The following PLAC1 variants were observed in gnomAD, a reference collection of about 807,000 sequenced individuals.
PLAC1 encodes the protein placenta associated 1.
For missense variants in PLAC1, 136 were observed against 163.2 expected, an observed-to-expected ratio of 0.83 and a Z score of 0.91; for synonymous variants, 68 against 62.1, an observed-to-expected ratio of 1.09 and a Z score of -0.44.
At chrX:134,662,877 C>T (rs761888836), upstream of PLAC1, among the ~76,000 whole-genome samples, 5 of 111,593 alleles carry the variant, frequency 4.5e-5, no homozygotes, top group Non-Finnish European at 9.4e-5. Flanking sequence ...TGCAATGAGC[C>T]GAGATCATGC....
At chrX:134,662,721 G>A (rs757812039), upstream of PLAC1, among the ~76,000 whole-genome samples, 1 of 112,210 alleles carries the variant, frequency 8.9e-6, no homozygotes, top group African/African-American at 3.2e-5. Context: ...CTCGAGCCCA[G>A]GAGTTCGAGA....
At position 134,737,645 on chromosome X, in the gene PLAC1, T is replaced by A. The variant is rs780546817; in HGVS notation, n.90-4126A>T. On this transcript the variant is annotated intron_variant and non_coding_transcript_variant, in intron 1 of 2. Coordinates refer to the PLAC1 transcript ENST00000466797. ...TGCCCCTAATTGGGAGCACCACTGA[T>A]CCCCAACATTCTAGAGGTGTGCTCC... Among the ~76,000 whole-genome samples, 3 of 112,102 alleles carry A rather than the reference T, an allele frequency of 2.7e-5. No homozygotes were observed. The East Asian group carries it at 8.5e-4, about 32-fold the overall frequency.
At chrX:134,668,727 G>A (rs2078445285) in intron 2 of PLAC1, among the ~76,000 whole-genome samples, 1 of 112,780 alleles carries the variant, frequency 8.9e-6, no homozygotes, top group African/African-American at 3.2e-5. Flanking sequence ...TTTCAAGGCT[G>A]AAGACAGAAA....
intron 1 of PLAC1, among the ~76,000 whole-genome samples, chrX:134,617,414 G>A (rs1407132849): frequency 1.8e-5 from 2 of 111,971 alleles, no homozygotes; most frequent in African/African-American, 6.5e-5. Flanking sequence ...GGATCTTAGA[G>A]GAGGAAAAGC....
rs150796917 is a variant in PLAC1 at position 134,722,730 on chromosome X, T to C, written n.174+10705A>G. On this transcript the variant is annotated intron_variant and non_coding_transcript_variant, in intron 2 of 2. Coordinates refer to the PLAC1 transcript ENST00000466797. ...AAAGTTATTTTTGCAGGGAGATAAC[T>C]GATTTTTGGTTTATAGCCCAGATGT... is the stretch of plus-strand genomic sequence containing the variant. Among the ~76,000 whole-genome samples the C allele has an allele frequency of 3.8e-3, 427 of 112,445 alleles. 2 individuals are homozygous for C. The highest frequency in any genetic ancestry group is 0.013 in the African/African-American group (399 of 31,000).
chrX:134,715,151 A>G (rs1371946252), intron 2 of PLAC1, among the ~76,000 whole-genome samples: 2 of 111,859 alleles, frequency 1.8e-5, no homozygotes, highest in East Asian at 5.6e-4. Context: ...CTCATTTGAC[A>G]GAAGGTTATA....
intron 1 of PLAC1, among the ~76,000 whole-genome samples, chrX:134,640,901 C>T (rs991185890): frequency 9.0e-6 from 1 of 111,662 alleles, no homozygotes; most frequent in Non-Finnish European, 1.9e-5. Flanking sequence ...CACTTGAGCC[C>T]AGGAGTTTCA....
intron 2 of PLAC1, among the ~76,000 whole-genome samples, chrX:134,732,676 G>A (rs1456399091): frequency 1.8e-5 from 2 of 112,342 alleles, no homozygotes; most frequent in African/African-American, 6.5e-5. Flanking sequence ...ACGACTGTGG[G>A]CGAGGAGAAA....
intron 2 of PLAC1, among the ~76,000 whole-genome samples, chrX:134,586,555 G>A (rs1363834675): frequency 9.0e-5 from 10 of 111,240 alleles, no homozygotes; most frequent in Non-Finnish European, 1.9e-4. Context: ...GGTAGGGGAA[G>A]GACGCAGAGG....
intron 2 of PLAC1, among the ~76,000 whole-genome samples, chrX:134,590,304 C>T (rs1167194366): frequency 9.0e-6 from 1 of 111,342 alleles, no homozygotes; most frequent in Non-Finnish European, 1.9e-5. Context: ...GTCTTATTAC[C>T]TGGCTTCATT....
Position 134,624,067 on chromosome X carries a change from G to A in PLAC1, c.-130-21945C>T, listed in dbSNP as rs759934631. Among the ~76,000 whole-genome samples the A allele has an allele frequency of 1.1e-4, 12 of 111,793 alleles. No homozygotes were observed. In the Admixed American group the frequency reaches 1.1e-3, roughly 11 times the overall value. On this transcript the variant is annotated intron_variant, in intron 1 of 2. Coordinates refer to ENST00000359237, the MANE Select transcript of PLAC1 (RefSeq NM_021796.4). ...TTAGGAAACTGAGGCTGAGAAAGTG[G>A]TATTAGATACATGCAGATCGAGGGC...
intron 1 of PLAC1, among the ~76,000 whole-genome samples, chrX:134,617,464 C>T (rs1179294800): frequency 2.7e-5 from 3 of 112,027 alleles, no homozygotes; most frequent in Non-Finnish European, 5.6e-5. Context: ...TAGCTGCAGG[C>T]TTTTCACAAA....
At position 134,566,326 on chromosome X, in the gene PLAC1, T is replaced by C; in HGVS notation, c.357A>G (p.Gln119=). 8.3e-7 allele frequency: 1 copy of C among 1,211,639 alleles called. No homozygotes were observed. Among genetic ancestry groups the C allele is most frequent in the Non-Finnish European group, 1.1e-6 (1 of 895,463 alleles). The stretch of plus-strand genomic sequence containing the variant: ...AGGGCTTGGTGAGCCATGGGGACTT[T>C]TGGGGGGCAGCACATGACACTGGGA... ...FVIPVSCAAP[Q]KSPWLTKPCS... is the part of the protein sequence containing the mutation. The change falls in exon 3 of 3, where the codon CAA becomes CAG. Residue 119 remains glutamine (Q), a synonymous_variant. Coordinates refer to ENST00000359237, the MANE Select transcript of PLAC1 (RefSeq NM_021796.4).
At chrX:134,690,756 A>T (rs1369849086) in intron 2 of PLAC1, among the ~76,000 whole-genome samples, 1 of 105,066 alleles carries the variant, frequency 9.5e-6, no homozygotes, top group African/African-American at 3.5e-5. Context: ...ACATGGTGAA[A>T]CCCCGTCTCT....
chrX:134,680,411 G>A (rs1227111833), intron 2 of PLAC1, among the ~76,000 whole-genome samples: 1 of 111,000 alleles, frequency 9.0e-6, no homozygotes, highest in East Asian at 2.8e-4. Context: ...ACATGCCAGC[G>A]TGCCCTGGAG....
chrX:134,688,144 G>C (rs1285822763), intron 2 of PLAC1, among the ~76,000 whole-genome samples: 2 of 109,787 alleles, frequency 1.8e-5, no homozygotes, highest in African/African-American at 6.6e-5. Context: ...AAAATGTCCA[G>C]AACCTCTGTG....
chrX:134,579,198 C>T (rs554601157), intron 2 of PLAC1, among the ~76,000 whole-genome samples: 10 of 110,521 alleles, frequency 9.0e-5, no homozygotes, highest in African/African-American at 3.0e-4. Flanking sequence ...CCTCTTGATC[C>T]TTGCAGCTCT....
At chrX:134,711,825 C>A (rs1439941708) in intron 2 of PLAC1, among the ~76,000 whole-genome samples, 2 of 110,773 alleles carry the variant, frequency 1.8e-5, no homozygotes, top group Non-Finnish European at 3.8e-5. Flanking sequence ...GGCCTCCTCC[C>A]TCCCATCAGA....
intron 1 of PLAC1, among the ~76,000 whole-genome samples, chrX:134,743,263 GT>G (rs755251553): frequency 8.9e-6 from 1 of 112,478 alleles, no homozygotes; most frequent in African/African-American, 3.2e-5. Flanking sequence ...TATATTGCAT[GT>G]TTTTTCCTAA....
Sources: allele counts gnomAD v4.1 joint callset (sites outside exome capture counted in the v4.1 genomes callset), GRCh38; gene constraint gnomAD v4.1.1; transcripts MANE v1.5; gene names NCBI Gene and HGNC (gene_info 2026-07-23, HGNC 2026-07-21).